TRPM6: variants seen among roughly 807,000 people sequenced by gnomAD.
TRPM6 encodes channel kinase 2.
In TRPM6, 111 loss-of-function variants were observed where a neutral mutation model predicts 247.6. The observed-to-expected ratio is 0.45, with a 90% CI of 0.38 to 0.52. The LOEUF (loss-of-function observed/expected upper bound fraction) is 0.52. Among genes scored for constraint, TRPM6 ranks in the 20% least tolerant of loss-of-function variants. The pLI is 0.00. For missense variants in TRPM6, 2,126 were observed against 2,421.5 expected, an observed-to-expected ratio of 0.88 and a Z score of 2.56; for synonymous variants, 892 against 853.8, an observed-to-expected ratio of 1.04 and a Z score of -0.78.
chr9:74,728,308 C>T lies in TRPM6; in HGVS notation c.5866G>A (p.Glu1956Lys). The T allele has an allele frequency of 1.2e-6, 2 of 1,614,016 alleles. No homozygotes were observed. Residue 1956 changes from glutamate (E) to lysine (K), a missense_variant, in exon 38 of 39, where the codon GAA becomes AAA. Glu to Lys is a moderately conservative substitution (Grantham distance 56, BLOSUM62 1). Transcript: ENST00000360774. Reference protein sequence around the residue: ...GMVFGPANLGEDAIRNFIAKH... With the variant: ...GMVFGPANLGKDAIRNFIAKH... ...GCAATGAAGTTTCTAATTGCATCTT[C>T]CCCCAAATTGGCCGGTCCAAACACC... is the stretch of plus-strand genomic sequence containing the variant.
intron 1 of TRPM6, among the ~76,000 whole-genome samples, chr9:74,867,946 A>G (rs1830904178): frequency 1.3e-5 from 2 of 151,832 alleles, no homozygotes; most frequent in African/African-American, 4.8e-5. Flanking sequence ...TGAGGTCAGG[A>G]GTTCCAGACC....
intron 25 of TRPM6, among the ~76,000 whole-genome samples, chr9:74,767,788 A>G (rs114975621): frequency 0.011 from 1,612 of 152,244 alleles, 30 homozygotes; most frequent in African/African-American, 0.036. Context: ...GGGCAACATT[A>G]GCAAGACCCT....
rs371268662 is a variant in TRPM6 at position 74,792,524 on chromosome 9, T to C, written c.2538+100A>G. ...CCTCACTTTTTTTTAACTAGGTTTC[T>C]ACATTTTTAATGCAAAGTGGCAAAT... On this transcript the variant is annotated intron_variant, in intron 19 of 38. Coordinates refer to ENST00000360774, the MANE Select transcript of TRPM6 (RefSeq NM_017662.5). 5 of 1,341,600 alleles carry C rather than the reference T, an allele frequency of 3.7e-6. No individual in the cohort carries two copies. The East Asian group carries it at 9.2e-5, about 25-fold the overall frequency. 83.1% of individuals were successfully genotyped at this position (1,341,600 alleles called of 1,614,324 possible). A position where few individuals can be genotyped will look rare whatever the true frequency, so the allele number is the denominator to read the frequency against.
intron 18 of TRPM6, 48 bp downstream of exon 18, chr9:74,796,693 G>C (rs373258406): frequency 3.8e-6 from 6 of 1,588,452 alleles, no homozygotes; most frequent in African/African-American, 2.7e-5. Context: ...GTATATTTGC[G>C]TGCAGTCAAT....
intron 13 of TRPM6, 104 bp from the exon 14 acceptor site, chr9:74,808,278 T>C: frequency 7.1e-7 from 1 of 1,405,698 alleles, no homozygotes; most frequent in Non-Finnish European, 1.0e-6. Flanking sequence ...AAGGTAGACA[T>C]ACCTTTTAAA....
At chr9:74,813,940 T>C (rs1828829197) in intron 11 of TRPM6, among the ~76,000 whole-genome samples, 1 of 152,022 alleles carries the variant, frequency 6.6e-6, no homozygotes, top group Non-Finnish European at 1.5e-5. Flanking sequence ...CTACTAAAAA[T>C]ACAAAAATTA....
intron 14 of TRPM6, chr9:74,804,809 T>A: frequency 1.7e-6 from 1 of 595,942 alleles, no homozygotes; most frequent in Non-Finnish European, 3.0e-6. Flanking sequence ...AACATGGAAA[T>A]AAGCTTAATG....
chr9:74,823,322 A>C (rs1465752027), intron 7 of TRPM6, among the ~76,000 whole-genome samples: 1 of 152,316 alleles, frequency 6.6e-6, no homozygotes, highest in East Asian at 1.9e-4. Context: ...ACTTCCAAAA[A>C]TCCAAGGTTT....
At chr9:74,887,487 C>G (rs952201615) in intron 1 of TRPM6, 4 of 1,068,022 alleles carry the variant, frequency 3.7e-6, no homozygotes, top group Admixed American at 4.5e-5. Flanking sequence ...TCAGAGCTGC[C>G]TCCTCTCCCG....
chr9:74,762,082 A>G lies in TRPM6; in HGVS notation c.4589T>C (p.Leu1530Pro), dbSNP rs769732586. 1.9e-6 allele frequency: 3 copies of G among 1,614,202 alleles called. No homozygotes were observed. Among genetic ancestry groups the G allele is most frequent in the Middle Eastern group, 1.6e-4 (1 of 6,062 alleles). ...CCTAGCGAAGGGCCTGTATCTGCGG[A>G]GAGGATTGATCCAAAAGGATGTGTT... ...QPNTSFWINP[L>P]RRYRPFARSH... Residue 1530 changes from leucine (L) to proline (P), a missense_variant, in exon 26 of 39, where the codon CTC becomes CCC. This residue lies in a region of TRPM6 where 717 missense variants were observed against 715.9 expected (regional missense o/e 1.00). Coordinates refer to ENST00000360774, the MANE Select transcript of TRPM6 (RefSeq NM_017662.5).
chr9:74,818,746 C>T (rs1274620468), intron 9 of TRPM6, among the ~76,000 whole-genome samples: 1 of 152,164 alleles, frequency 6.6e-6, no homozygotes, highest in African/African-American at 2.4e-5. Context: ...CATTTAGAAG[C>T]ATGCTGCTAA....
intron 21 of TRPM6, among the ~76,000 whole-genome samples, chr9:74,783,875 G>T (rs13299138): frequency 0.2 from 29,767 of 152,050 alleles, 3,126 homozygotes; most frequent in Middle Eastern, 0.28. Flanking sequence ...TTCCCTGCCA[G>T]TAAGTATCCT....
At chr9:74,825,113 T>G (rs1829284527) in intron 7 of TRPM6, among the ~76,000 whole-genome samples, 3 of 151,932 alleles carry the variant, frequency 2.0e-5, no homozygotes, top group African/African-American at 7.3e-5. Context: ...TAGAAAAAAA[T>G]TAGCCGGGTG....
chr9:74,810,328 C>G (rs1828686049), intron 13 of TRPM6, among the ~76,000 whole-genome samples: 2 of 152,038 alleles, frequency 1.3e-5, no homozygotes, highest in Admixed American at 1.3e-4. Context: ...AAAACATGAC[C>G]AAGAGTATAG....
chr9:74,800,902 G>GTT (rs5898380), intron 16 of TRPM6, among the ~76,000 whole-genome samples: 3,169 of 126,932 alleles, frequency 0.025, 164 homozygotes, highest in African/African-American at 0.079. Flanking sequence ...CTAATAAAGT[G>GTT]TGTTTTTTTT....
intron 36 of TRPM6, chr9:74,737,487 T>C (rs1260823159): frequency 8.1e-7 from 1 of 1,237,224 alleles, no homozygotes; most frequent in Non-Finnish European, 1.1e-6. Flanking sequence ...AAGGCCCAAG[T>C]TGTTTAAACA....
Position 74,796,882 on chromosome 9 carries a change from G to T in TRPM6, c.2250C>A (p.Ser750Arg). The change falls in exon 18 of 39, where the codon AGC (serine) becomes AGA (arginine). Residue 750 changes from serine to arginine, a missense_variant. Physicochemically the swap from Ser to Arg is moderately radical, Grantham distance 110 (BLOSUM62 -1). Transcript: ENST00000360774. ...TCAAAATGGTGGGTGGTAAAATAAT[G>T]CTTATAATAATCTGTAAAAGAAAAA... ...RKNSWLKIII[S>R]IILPPTILTL... 2 of 1,613,492 alleles carry T rather than the reference G, an allele frequency of 1.2e-6. No homozygotes were observed. Among genetic ancestry groups the T allele is most frequent in the South Asian group, 1.1e-5 (1 of 91,062 alleles).
At chr9:74,817,317 A>G (rs1316928882) in intron 9 of TRPM6, among the ~76,000 whole-genome samples, 1 of 152,222 alleles carries the variant, frequency 6.6e-6, no homozygotes, top group African/African-American at 2.4e-5. Context: ...TCCTTCATTC[A>G]CCTAGCCTTG....
Position 74,785,952 on chromosome 9 carries a change from T to C in TRPM6, c.2841A>G (p.Ile947Met). Reference sequence around the variant, plus strand: ...AGTCCAGGAGCCGTGAGAACCAGAATATGATGTCTATGCAGTAGATCAGTC... The same window carrying C: ...AGTCCAGGAGCCGTGAGAACCAGAACATGATGTCTATGCAGTAGATCAGTC... ...AGRLIYCIDI[I>M]FWFSRLLDFF... Residue 947 changes from isoleucine to methionine, a missense_variant, in exon 21 of 39, where the codon ATA becomes ATG. By Grantham distance (10) the Ile-to-Met change is conservative. Transcript: ENST00000360774. The C allele has an allele frequency of 6.2e-7, 1 of 1,614,214 alleles. No homozygotes were observed.
Sources: allele counts gnomAD v4.1 joint callset (sites outside exome capture counted in the v4.1 genomes callset), GRCh38; gene constraint gnomAD v4.1.1; regional missense constraint gnomAD v4.1.1; transcripts MANE v1.5; gene names NCBI Gene and HGNC (gene_info 2026-07-23, HGNC 2026-07-21).